The following NFXL1 variants were observed in gnomAD, a reference collection of about 807,000 sequenced individuals.
NFXL1 encodes nuclear transcription factor, X-box binding like 1.
A neutral mutation model predicts 123.3 loss-of-function variants in NFXL1; 66 were observed. The ratio of observed to expected loss-of-function variants is 0.54; its 90% confidence interval spans 0.44 to 0.66. The LOEUF is 0.66. Among genes scored for constraint, NFXL1 ranks in the 30% least tolerant of loss-of-function variants. The probability of loss-of-function intolerance (pLI) is 0.00; values close to 1 mark genes in which losing one functional copy is unlikely to be tolerated. For missense variants in NFXL1, 944 were observed against 1,125.6 expected, an observed-to-expected ratio of 0.84 and a Z score of 2.31; for synonymous variants, 346 against 360.8, an observed-to-expected ratio of 0.96 and a Z score of 0.46.
At chr4:47,892,787 C>T (rs954791068) in intron 11 of NFXL1, among the ~76,000 whole-genome samples, 19 of 152,008 alleles carry the variant, frequency 1.2e-4, no homozygotes, top group African/African-American at 3.4e-4. Context: ...CAAAAAGAAC[C>T]AGCACCCAAA....
intron 19 of NFXL1, among the ~76,000 whole-genome samples, chr4:47,855,517 T>C (rs1008837819): frequency 6.6e-6 from 1 of 151,950 alleles, no homozygotes; most frequent in African/African-American, 2.4e-5. Context: ...AAGAGTATAC[T>C]TCCATGTTCT....
intron 17 of NFXL1, among the ~76,000 whole-genome samples, chr4:47,876,179 TA>T (rs1735741406): frequency 6.6e-6 from 1 of 152,070 alleles, no homozygotes; most frequent in East Asian, 1.9e-4. Flanking sequence ...AATTATTTTT[TA>T]AAAACATGTG....
chr4:47,908,957 A>C (rs1178091712), intron 3 of NFXL1, among the ~76,000 whole-genome samples: 3 of 150,108 alleles, frequency 2.0e-5, no homozygotes, highest in Admixed American at 6.6e-5. Context: ...TCCGTCGCAA[A>C]AAAAAAAAAA....
At chr4:47,862,736 A>C (rs1211002721) in intron 19 of NFXL1, 110 bp downstream of exon 19, 1 of 736,248 alleles carries the variant, frequency 1.4e-6, no homozygotes, top group African/African-American at 1.8e-5. Flanking sequence ...TGTTTATTTA[A>C]AAAGATACAA....
rs1283744011 is a variant in NFXL1, at chr4:47,897,960, G to A, written c.1204+7C>T. Reference sequence around the variant, plus strand: ...CCTATATAAATATAAAAAAAAACAAGTCTTACTTGATTTCTGACATGGACA... The same window carrying A: ...CCTATATAAATATAAAAAAAAACAAATCTTACTTGATTTCTGACATGGACA... On this transcript the variant is annotated splice_region_variant and intron_variant, in intron 9 of 22. Transcript: ENST00000507489. 1.8e-5 allele frequency: 27 copies of A among 1,527,160 alleles called. No individual in the cohort carries two copies. The East Asian group carries it at 6.1e-4, about 35-fold the overall frequency. 94.6% of individuals were successfully genotyped at this position (1,527,160 alleles called of 1,614,324 possible). A position where few individuals can be genotyped will look rare whatever the true frequency, so the allele number is the denominator to read the frequency against.
intron 18 of NFXL1, among the ~76,000 whole-genome samples, chr4:47,868,357 C>T (rs7678018): frequency 0.15 from 21,791 of 148,310 alleles, 2,120 homozygotes; most frequent in East Asian, 0.28. Flanking sequence ...AAAAAAAGGT[C>T]GGAATGGGGG....
chr4:47,897,346 T>C (rs1043348427), intron 9 of NFXL1, among the ~76,000 whole-genome samples: 3 of 152,080 alleles, frequency 2.0e-5, no homozygotes, highest in African/African-American at 7.2e-5. Context: ...ATTATAAAAT[T>C]CACCTGTAAC....
intron 19 of NFXL1, among the ~76,000 whole-genome samples, chr4:47,857,093 T>C (rs1734457381): frequency 1.3e-5 from 2 of 152,206 alleles, no homozygotes; most frequent in African/African-American, 4.8e-5. Flanking sequence ...AAATTTATTA[T>C]ATATTTATTG....
At chr4:47,898,908 G>A in intron 7 of NFXL1, 51 bp from the exon 8 acceptor site, 1 of 1,609,308 alleles carries the variant, frequency 6.2e-7, no homozygotes, top group South Asian at 1.1e-5. Context: ...AATAAAGATT[G>A]CTTTGACTTT....
At chr4:47,882,280 G>A (rs1210676851) in intron 15 of NFXL1, 1 of 152,138 alleles carries the variant, frequency 6.6e-6, no homozygotes, top group African/African-American at 2.4e-5. Context: ...TGTCAAAAGA[G>A]TTCTCCTGTG....
intron 19 of NFXL1, among the ~76,000 whole-genome samples, chr4:47,858,285 C>A (rs892540595): frequency 1.3e-5 from 2 of 152,172 alleles, no homozygotes; most frequent in African/African-American, 2.4e-5. Context: ...CTTTCTGATA[C>A]TTTTCAGTAA....
In NFXL1 at chr4:47,885,613, CAGCGATGT is replaced by C; in HGVS notation, c.1701_1708del (p.His568SerfsTer29). On this transcript the variant is annotated frameshift_variant, in exon 14 of 23. Transcript: ENST00000507489. LOFTEE classifies it high-confidence loss of function. ...ACATGGTGGACAAGAACCAAAGTGA[CAGCGATGT>C]TTTTCTTGACTTGTATGATGACAAG... The C allele has an allele frequency of 6.2e-7, 1 of 1,613,884 alleles. No individual in the cohort carries two copies. The highest frequency in any genetic ancestry group is 8.5e-7 in the Non-Finnish European group (1 of 1,179,814).
At chr4:47,867,653 G>A (rs1169813789) in intron 18 of NFXL1, among the ~76,000 whole-genome samples, 1 of 151,952 alleles carries the variant, frequency 6.6e-6, no homozygotes, top group East Asian at 1.9e-4. Context: ...GGAGGAGGAG[G>A]AGGAGGGAAG....
rs1358662883 is a variant in NFXL1, at chr4:47,896,637, C to G, written c.1215G>C (p.Leu405Phe). ...AAGTTGGTACATCTTCTGTACAAGG[C>G]AAAGAAAACTCTAAAAACATACAAA... ...FCPCQKSKFS[L>F]PCTEDVPTCG... The change falls in exon 10 of 23, where the codon TTG becomes TTC. Residue 405 changes from leucine to phenylalanine, a missense_variant. Leu to Phe is a conservative substitution (Grantham distance 22). Transcript: ENST00000507489. 1 of 1,606,300 alleles carries G rather than the reference C, an allele frequency of 6.2e-7. No individual in the cohort carries two copies. The highest frequency in any genetic ancestry group is 1.3e-5 in the African/African-American group (1 of 74,702).
chr4:47,889,309 T>A (rs1175967017), intron 12 of NFXL1, among the ~76,000 whole-genome samples: 2 of 152,180 alleles, frequency 1.3e-5, no homozygotes, highest in African/African-American at 4.8e-5. Flanking sequence ...ATCTTTCTAG[T>A]GTTGGTGAGA....
At chr4:47,888,178 G>A (rs915933549) in intron 12 of NFXL1, among the ~76,000 whole-genome samples, 2 of 152,204 alleles carry the variant, frequency 1.3e-5, no homozygotes, top group African/African-American at 2.4e-5. Flanking sequence ...GGAGGCTGAG[G>A]CAGGAGAATC....
intron 2 of NFXL1, 69 bp downstream of exon 2, chr4:47,913,900 G>T (rs1254601622): frequency 3.8e-6 from 4 of 1,043,006 alleles, no homozygotes; most frequent in Non-Finnish European, 5.4e-6. Context: ...GGCGAGGGCG[G>T]AGGCGGTCCT....
In NFXL1 at chr4:47,864,674, T is replaced by C. The variant is rs1002223794; in HGVS notation, c.2247-1759A>G. ...AATTCTCCATAAAGGCCCAAGAAGATAGGGTACGAAAAGCTTATGAATAGC... is the reference window on the plus strand; with the variant it reads ...AATTCTCCATAAAGGCCCAAGAAGACAGGGTACGAAAAGCTTATGAATAGC... On this transcript the variant is annotated intron_variant, in intron 18 of 22. Transcript: ENST00000507489. Among the ~76,000 whole-genome samples the C allele has an allele frequency of 3.9e-5, 6 of 152,078 alleles. 1 individual carries two copies. The highest frequency in any genetic ancestry group is 1.2e-4 in the African/African-American group (5 of 41,388).
At chr4:47,863,020 TTCC>T in intron 18 of NFXL1, 105 bp from the exon 19 acceptor site, 1 of 680,786 alleles carries the variant, frequency 1.5e-6, no homozygotes, top group African/African-American at 1.8e-5. Flanking sequence ...ATTATCTTTT[TTCC>T]TCAAGAAATA....
Sources: gnomAD v4.1 joint callset for allele counts (sites outside exome capture counted in the v4.1 genomes callset) on GRCh38, gnomAD v4.1.1 for gene constraint, MANE v1.5 for transcripts, NCBI Gene and HGNC (gene_info 2026-07-23, HGNC 2026-07-21) for gene names.